Variants in VPS13B observed in about 807,000 individuals in gnomAD.
The protein encoded by VPS13B is intermembrane lipid transfer protein VPS13B.
In VPS13B, 285 loss-of-function variants were observed where a neutral mutation model predicts 426.4. The observed-to-expected ratio is 0.67, with a 90% confidence interval of 0.61 to 0.74. The LOEUF (loss-of-function observed/expected upper bound fraction) is 0.74, where lower values mean the gene tolerates loss of function less well. VPS13B is among the 30% of genes least tolerant of loss of function. The probability of loss-of-function intolerance (pLI) is 0.00; values close to 1 mark genes in which losing one functional copy is unlikely to be tolerated. For missense variants in VPS13B, 4,537 were observed against 4,782.6 expected, an observed-to-expected ratio of 0.95 and a Z score of 1.51; for synonymous variants, 1,676 against 1,676.4, an observed-to-expected ratio of 1.00 and a Z score of 0.01.
chr8:99,309,165 T>C (rs545990765), intron 19 of VPS13B, among the ~76,000 whole-genome samples: 2 of 152,352 alleles, frequency 1.3e-5, no homozygotes, highest in East Asian at 3.9e-4. Flanking sequence ...TCTTTTGCTG[T>C]GCAGAAGCTC....
chr8:99,432,371 A>G (rs977742454), intron 22 of VPS13B, among the ~76,000 whole-genome samples: 20 of 152,272 alleles, frequency 1.3e-4, no homozygotes, highest in Non-Finnish European at 1.9e-4. Context: ...GTTGCAATAG[A>G]ACCTTGTTCC....
At chr8:99,106,205 G>A (rs1847034476) in intron 5 of VPS13B, among the ~76,000 whole-genome samples, 1 of 151,812 alleles carries the variant, frequency 6.6e-6, no homozygotes, top group Non-Finnish European at 1.5e-5. Context: ...GCTGAGGCGG[G>A]CGGATCCCCT....
At chr8:99,435,406 A>G (rs1817318461) in intron 22 of VPS13B, among the ~76,000 whole-genome samples, 3 of 152,156 alleles carry the variant, frequency 2.0e-5, no homozygotes, top group Admixed American at 6.5e-5. Flanking sequence ...AACATGAAAG[A>G]TAGTATTGGA....
intron 33 of VPS13B, among the ~76,000 whole-genome samples, chr8:99,580,009 T>A (rs994846710): frequency 3.2e-4 from 49 of 152,060 alleles, no homozygotes; most frequent in Admixed American, 6.6e-4. Context: ...ACAATTTTTT[T>A]AAAAATTCCT....
intron 23 of VPS13B, among the ~76,000 whole-genome samples, chr8:99,449,317 G>A (rs1208892351): frequency 6.6e-6 from 1 of 152,142 alleles, no homozygotes; most frequent in Non-Finnish European, 1.5e-5. Context: ...AACAAAGAAA[G>A]AGGGCCAGTT....
intron 61 of VPS13B, 27 bp from the exon 62 acceptor site, chr8:99,875,391 C>G: frequency 6.2e-7 from 1 of 1,614,084 alleles, no homozygotes; most frequent in East Asian, 2.2e-5. Context: ...GGTCTGGCAA[C>G]TAATCTTTAT....
At chr8:99,774,549 C>A (rs1811651958) in intron 40 of VPS13B, among the ~76,000 whole-genome samples, 2 of 152,102 alleles carry the variant, frequency 1.3e-5, no homozygotes. Flanking sequence ...ATCAGAGTGT[C>A]AAAAACTATA....
intron 19 of VPS13B, among the ~76,000 whole-genome samples, chr8:99,364,323 G>T (rs1026986673): frequency 6.6e-6 from 1 of 152,150 alleles, no homozygotes; most frequent in Non-Finnish European, 1.5e-5. Flanking sequence ...ACTTGGTCAT[G>T]ATGAATGTTT....
chr8:99,277,629 T>A (rs1242435658), intron 19 of VPS13B, among the ~76,000 whole-genome samples: 1 of 152,190 alleles, frequency 6.6e-6, no homozygotes, highest in Non-Finnish European at 1.5e-5. Flanking sequence ...CCACTGTATC[T>A]AAATTTCTCT....
rs545505500 is a variant in VPS13B at position 99,828,716 on chromosome 8, G to C, written c.9331-3653G>C. ...GTTAATGGTCTTTACATTTTGGTTT[G>C]TTTTTGCAGTGACTGGTACCAGTTT... is the stretch of plus-strand genomic sequence containing the variant. On this transcript the variant is annotated intron_variant, in intron 51 of 61. Transcript: ENST00000357162. 1.2e-4 allele frequency among the ~76,000 whole-genome samples: 18 copies of C among 152,102 alleles called. No individual in the cohort carries two copies. The East Asian group carries it at 3.1e-3, about 26-fold the overall frequency.
chr8:99,821,103 A>AACACACACACAC (rs755074579), intron 49 of VPS13B, among the ~76,000 whole-genome samples, 191 bp from the exon 50 acceptor site: 158 of 78,354 alleles, frequency 2.0e-3, no homozygotes, highest in East Asian at 4.5e-3. Flanking sequence ...GTCATTACAA[A>AACACACACACAC]ACACACACAC....
intron 33 of VPS13B, among the ~76,000 whole-genome samples, chr8:99,603,567 T>C (rs1378766727): frequency 2.0e-5 from 3 of 152,304 alleles, no homozygotes; most frequent in African/African-American, 2.4e-5. Context: ...AGATGGCTAC[T>C]CAGTGAATAA....
chr8:99,637,670 A>T (rs1336418086), intron 33 of VPS13B, among the ~76,000 whole-genome samples: 1 of 152,116 alleles, frequency 6.6e-6, no homozygotes, highest in Non-Finnish European at 1.5e-5. Flanking sequence ...GCTGGATGCT[A>T]AATTTCTTTA....
chr8:99,355,495 G>T (rs1812134901), intron 19 of VPS13B, among the ~76,000 whole-genome samples: 1 of 152,188 alleles, frequency 6.6e-6, no homozygotes, highest in African/African-American at 2.4e-5. Flanking sequence ...GGAGGCTGAG[G>T]CAGGAGAATC....
intron 57 of VPS13B, among the ~76,000 whole-genome samples, chr8:99,859,905 G>A (rs1226849384): frequency 6.6e-6 from 1 of 152,190 alleles, no homozygotes; most frequent in African/African-American, 2.4e-5. Flanking sequence ...CATGGAAGCG[G>A]ATTTGGGGGT....
chr8:99,139,227 C>T (rs948757774), intron 12 of VPS13B, among the ~76,000 whole-genome samples: 1 of 152,162 alleles, frequency 6.6e-6, no homozygotes, highest in Non-Finnish European at 1.5e-5. Context: ...CTACCACACT[C>T]TGCCTCCTTT....
chr8:99,277,357 A>G (rs1001080133), intron 19 of VPS13B, among the ~76,000 whole-genome samples: 2 of 152,112 alleles, frequency 1.3e-5, no homozygotes, highest in African/African-American at 4.8e-5. Context: ...CCACCTTACA[A>G]CTGCCACCCA....
chr8:99,469,186 T>G (rs1819271288), intron 24 of VPS13B, among the ~76,000 whole-genome samples: 1 of 148,306 alleles, frequency 6.7e-6, no homozygotes, highest in African/African-American at 2.5e-5. Flanking sequence ...TTTTTTTTTT[T>G]TGACACAGGG....
intron 33 of VPS13B, among the ~76,000 whole-genome samples, chr8:99,640,223 T>C (rs1001969592): frequency 6.6e-6 from 1 of 152,056 alleles, no homozygotes; most frequent in Admixed American, 6.6e-5. Context: ...ATTCAGTAAC[T>C]TTAAACTTTT....
Sources: gnomAD v4.1 joint callset for allele counts (sites outside exome capture counted in the v4.1 genomes callset) on GRCh38, gnomAD v4.1.1 for gene constraint, MANE v1.5 for transcripts, NCBI Gene and HGNC (gene_info 2026-07-23, HGNC 2026-07-21) for gene names.